CTNNAL1: variants seen among roughly 807,000 people sequenced by gnomAD.
CTNNAL1 encodes catenin alpha like 1.
In CTNNAL1, 69 loss-of-function variants were observed where a neutral mutation model predicts 93.6. That is an observed-to-expected ratio of 0.74 (90% CI 0.61 to 0.90). CTNNAL1 has a LOEUF of 0.90. Among genes scored for constraint, CTNNAL1 ranks in the 40% least tolerant of loss-of-function variants. The pLI is 0.00. For missense variants in CTNNAL1, 836 were observed against 862.0 expected, an observed-to-expected ratio of 0.97 and a Z score of 0.38; for synonymous variants, 286 against 305.4, an observed-to-expected ratio of 0.94 and a Z score of 0.66.
chr9:108,999,342 G>T, intron 1 of CTNNAL1, 86 bp from the exon 2 acceptor site: 1 of 1,349,290 alleles, frequency 7.4e-7, no homozygotes, highest in Non-Finnish European at 1.0e-6. Context: ...ATGAAGCCTG[G>T]CATACTGTAT....
At chr9:108,975,539 G>A (rs1343167029) in intron 8 of CTNNAL1, among the ~76,000 whole-genome samples, 2 of 152,164 alleles carry the variant, frequency 1.3e-5, no homozygotes, top group African/African-American at 2.4e-5. Context: ...AACGGAGGGT[G>A]AGGAAAGTGA....
intron 17 of CTNNAL1, among the ~76,000 whole-genome samples, chr9:108,943,312 C>G (rs901491073): frequency 1.3e-5 from 2 of 152,134 alleles, no homozygotes; most frequent in African/African-American, 2.4e-5. Context: ...TTAGGGGCTT[C>G]TCAAAACACT....
At chr9:108,978,599 T>C (rs1831331286) in intron 7 of CTNNAL1, among the ~76,000 whole-genome samples, 1 of 152,202 alleles carries the variant, frequency 6.6e-6, no homozygotes, top group South Asian at 2.1e-4. Flanking sequence ...GCAATCCACC[T>C]GCTATAAGAG....
intron 6 of CTNNAL1, among the ~76,000 whole-genome samples, chr9:108,980,637 C>G (rs1173369366): frequency 6.6e-6 from 1 of 152,066 alleles, no homozygotes; most frequent in African/African-American, 2.4e-5. Flanking sequence ...TAGACAGAAA[C>G]TTGTATTTAA....
chr9:108,999,022 C>T (rs202213058), intron 2 of CTNNAL1, 45 bp downstream of exon 2: 1 of 1,530,806 alleles, frequency 6.5e-7, no homozygotes, highest in Non-Finnish European at 8.8e-7. Flanking sequence ...ATAACCAAAG[C>T]AATAAAAGTG....
At position 108,942,790 on chromosome 9, in the gene CTNNAL1, G is replaced by A. The variant is rs185420752; in HGVS notation, c.2184C>T (p.Asp728=). The change falls in exon 19 of 19, where the codon GAC becomes GAT. Residue 728 remains aspartate, a synonymous_variant. Transcript: ENST00000325551. ...CTTCTCAAGTTTTACTATCCATAGT[G>A]TCCTTATTTGTAACTGAGACCCATC... ...NNGWVSVTNK[D]TMDSKT 3.1e-6 allele frequency: 5 copies of A among 1,612,156 alleles called. No individual in the cohort carries two copies. The highest frequency in any genetic ancestry group is 3.4e-6 in the Non-Finnish European group (4 of 1,178,480).
intron 8 of CTNNAL1, among the ~76,000 whole-genome samples, chr9:108,976,665 G>A (rs1831276614): frequency 6.6e-6 from 1 of 151,936 alleles, no homozygotes; most frequent in Admixed American, 6.6e-5. Context: ...CGAGTAGCTG[G>A]GACTACAGGT....
chr9:109,011,440 T>A (rs1382066637), intron 1 of CTNNAL1, among the ~76,000 whole-genome samples: 4 of 152,194 alleles, frequency 2.6e-5, no homozygotes, highest in Non-Finnish European at 4.4e-5. Flanking sequence ...TGATTTATAC[T>A]TTTCTTCCTC....
chr9:108,951,292 G>T (rs775862390), intron 14 of CTNNAL1, among the ~76,000 whole-genome samples: 3 of 151,768 alleles, frequency 2.0e-5, no homozygotes, highest in Admixed American at 6.6e-5. Flanking sequence ...TGGGATTACA[G>T]GCGTGAGCCA....
chr9:108,972,854 G>C (rs540269094), intron 8 of CTNNAL1, 21 bp from the exon 9 acceptor site: 10 of 975,022 alleles, frequency 1.0e-5, no homozygotes, highest in Admixed American at 5.9e-5. Flanking sequence ...GTGTGTGGGT[G>C]GGGGGGTGGG....
chr9:109,008,942 C>T (rs1386587838), intron 1 of CTNNAL1, among the ~76,000 whole-genome samples: 1 of 125,292 alleles, frequency 8.0e-6, no homozygotes, highest in Non-Finnish European at 1.6e-5. Context: ...GTCACCCAGG[C>T]TGAGTGAAGT....
intron 8 of CTNNAL1, among the ~76,000 whole-genome samples, chr9:108,975,782 T>C (rs1366075111): frequency 6.6e-6 from 1 of 152,162 alleles, no homozygotes; most frequent in Non-Finnish European, 1.5e-5. Flanking sequence ...GCTGTTGTAG[T>C]GAGAAAACAG....
chr9:108,952,745 C>T (rs1300050905), intron 12 of CTNNAL1, among the ~76,000 whole-genome samples: 6 of 152,184 alleles, frequency 3.9e-5, no homozygotes, highest in East Asian at 3.8e-4. Context: ...GGCCTCTGTG[C>T]TTACAGCTGC....
At chr9:109,012,299 G>A (rs191057194) in intron 1 of CTNNAL1, among the ~76,000 whole-genome samples, 3 of 152,270 alleles carry the variant, frequency 2.0e-5, no homozygotes, top group Non-Finnish European at 4.4e-5. Context: ...GCAGGGTACT[G>A]GTGGCCAGGT....
chr9:109,003,981 C>A (rs951227146), intron 1 of CTNNAL1, among the ~76,000 whole-genome samples: 1 of 152,210 alleles, frequency 6.6e-6, no homozygotes, highest in Non-Finnish European at 1.5e-5. Context: ...ACAGGCTGAA[C>A]TTAGCTACTT....
At chr9:108,991,205 T>G (rs1459848056) in intron 3 of CTNNAL1, among the ~76,000 whole-genome samples, 1 of 151,468 alleles carries the variant, frequency 6.6e-6, no homozygotes, top group African/African-American at 2.4e-5. Flanking sequence ...TGGGAAGGGG[T>G]GAGGATGAAA....
intron 10 of CTNNAL1, among the ~76,000 whole-genome samples, chr9:108,969,731 C>T (rs1243998070): frequency 6.6e-6 from 1 of 152,218 alleles, no homozygotes; most frequent in Non-Finnish European, 1.5e-5. Flanking sequence ...TAGCTCACTA[C>T]AGCTTCAAAC....
intron 4 of CTNNAL1, among the ~76,000 whole-genome samples, chr9:108,986,626 T>G (rs1181717737): frequency 6.6e-6 from 1 of 151,586 alleles, no homozygotes; most frequent in African/African-American, 2.4e-5. Flanking sequence ...ATGGTTGAAC[T>G]AGTTTACAGT....
intron 1 of CTNNAL1, among the ~76,000 whole-genome samples, chr9:109,010,243 A>C (rs1041548201): frequency 3.3e-5 from 5 of 152,204 alleles, no homozygotes; most frequent in Non-Finnish European, 7.3e-5. Context: ...AATTGATTTT[A>C]GTATCCTACA....
Sources: gnomAD v4.1 joint callset for allele counts (sites outside exome capture counted in the v4.1 genomes callset) on GRCh38, gnomAD v4.1.1 for gene constraint, MANE v1.5 for transcripts, NCBI Gene and HGNC (gene_info 2026-07-23, HGNC 2026-07-21) for gene names.